The following WDR62 variants were observed in gnomAD, a reference collection of about 807,000 sequenced individuals.
The protein encoded by WDR62 is WD repeat-containing protein 62.
A neutral mutation model predicts 160.6 loss-of-function variants in WDR62; 112 were observed. The observed-to-expected ratio is 0.70, with a 90% CI of 0.60 to 0.82. The LOEUF (loss-of-function observed/expected upper bound fraction) is 0.82, where lower values mean the gene tolerates loss of function less well. Among genes scored for constraint, WDR62 ranks in the 40% least tolerant of loss-of-function variants. The probability of loss-of-function intolerance (pLI) is 0.00; values close to 1 mark genes in which losing one functional copy is unlikely to be tolerated. For synonymous variants in WDR62, 792 were observed against 815.1 expected (o/e 0.97, Z 0.48); for missense variants, 1,819 against 1,983.8 (o/e 0.92, Z 1.58).
chr19:36,099,532 A>G lies in WDR62; in HGVS notation c.2654A>G (p.Tyr885Cys), dbSNP rs1401522501. Residue 885 changes from tyrosine to cysteine, a missense_variant, in exon 22 of 32, where the codon TAC becomes TGC. Around this residue, in one of 3 missense-constraint regions of WDR62, gnomAD observed 934 missense variants for 1,157.2 expected, o/e 0.81. Coordinates refer to ENST00000401500, the MANE Select transcript of WDR62 (RefSeq NM_001083961.2). The stretch of plus-strand genomic sequence containing the variant: ...CTGGATGCCCAGGACCTGGATTGCT[A>G]CTTTACCCCCATGAAGCCCGAGAGT... ...TILDAQDLDCYFTPMKPESLE... is the reference protein window; with the variant it reads ...TILDAQDLDCCFTPMKPESLE... The G allele has an allele frequency of 2.5e-6, 4 of 1,614,152 alleles. No individual in the cohort carries two copies. The South Asian group carries it at 3.3e-5, about 13-fold the overall frequency.
chr19:36,102,221 G>A, intron 26 of WDR62, 70 bp downstream of exon 26: 1 of 1,610,642 alleles, frequency 6.2e-7, no homozygotes, highest in Non-Finnish European at 8.5e-7. Flanking sequence ...GGCGTCCCTG[G>A]AGTTGGCTCC....
intron 3 of WDR62, among the ~76,000 whole-genome samples, chr19:36,063,836 CAG>C (rs925559014): frequency 1.3e-4 from 20 of 152,240 alleles, no homozygotes; most frequent in Admixed American, 1.3e-4. Flanking sequence ...TTTCCTGAGA[CAG>C]TGCAAATATT....
At position 36,103,539 on chromosome 19, in the gene WDR62, T is replaced by C. The variant is rs887740291; in HGVS notation, c.3711T>C (p.Ser1237=). ...CACGCAGCATCTCCCTCGGTGACAG[T>C]GAGGGCCCTATCGTGGCCACACTGG... ...RISRSISLGD[S]EGPIVATLAQ... Residue 1237 remains serine, a synonymous_variant, in exon 30 of 32, where the codon AGT becomes AGC. Transcript: ENST00000401500. 2.3e-5 allele frequency: 37 copies of C among 1,614,000 alleles called. No homozygotes were observed. The highest frequency in any genetic ancestry group is 3.1e-5 in the Non-Finnish European group (37 of 1,180,000).
downstream of WDR62, among the ~76,000 whole-genome samples, chr19:36,110,041 CA>C (rs1422098528): frequency 6.8e-6 from 1 of 147,092 alleles, no homozygotes; most frequent in East Asian, 2.1e-4. Flanking sequence ...GGGCAACGAG[CA>C]AAACTCCGCC....
At chr19:36,059,866 C>T (rs546974733) in intron 2 of WDR62, 102 bp from the exon 3 acceptor site, 32 of 1,250,690 alleles carry the variant, frequency 2.6e-5, no homozygotes, top group African/African-American at 3.0e-5. Context: ...CAGAGAGAAC[C>T]GAGGGAGCTT....
chr19:36,088,749 A>C (rs1193843084), intron 13 of WDR62, among the ~76,000 whole-genome samples: 1 of 152,292 alleles, frequency 6.6e-6, no homozygotes, highest in East Asian at 1.9e-4. Flanking sequence ...CAAGTCACCT[A>C]TCTCAATCCC....
intron 5 of WDR62, among the ~76,000 whole-genome samples, 164 bp downstream of exon 5, chr19:36,066,591 C>T (rs917187357): frequency 1.3e-5 from 2 of 152,210 alleles, no homozygotes; most frequent in African/African-American, 4.8e-5. Context: ...TTGTAGGGCA[C>T]AAGGCAGGCT....
At chr19:36,095,423 A>C (rs1173118366) in intron 20 of WDR62, among the ~76,000 whole-genome samples, 2 of 152,194 alleles carry the variant, frequency 1.3e-5, no homozygotes, top group Non-Finnish European at 2.9e-5. Context: ...AGCTGTCCAC[A>C]TCTCAGCATG....
At chr19:36,077,797 T>C (rs929955625) in intron 9 of WDR62, among the ~76,000 whole-genome samples, 5 of 151,638 alleles carry the variant, frequency 3.3e-5, no homozygotes, top group South Asian at 4.2e-4. Context: ...GGTTTCACCA[T>C]GTTGCCCAGG....
rs958154255 is a variant in WDR62 at position 36,101,684 on chromosome 19, G to A, written c.2992G>A (p.Asp998Asn). The A allele has an allele frequency of 1.4e-5, 21 of 1,550,892 alleles. No individual in the cohort carries two copies. Among genetic ancestry groups the A allele is most frequent in the Non-Finnish European group, 1.7e-5 (19 of 1,146,978 alleles). The change falls in exon 25 of 32, where the codon GAC becomes AAC. Residue 998 changes from aspartate to asparagine, a missense_variant. Coordinates refer to ENST00000401500, the MANE Select transcript of WDR62 (RefSeq NM_001083961.2). ...PPEDSGESEA[D>N]LECSFAAIHS... Reference sequence around the variant, plus strand: ...TTCAGACTCGGGGGAGTCAGAGGCCGACCTGGAGTGCAGCTTCGCAGCCAT... The same window carrying A: ...TTCAGACTCGGGGGAGTCAGAGGCCAACCTGGAGTGCAGCTTCGCAGCCAT...
chr19:36,076,751 A>T (rs183588736), intron 9 of WDR62, among the ~76,000 whole-genome samples: 1 of 152,216 alleles, frequency 6.6e-6, no homozygotes, highest in Non-Finnish European at 1.5e-5. Context: ...TTTTTCCCAC[A>T]TTATACATGC....
chr19:36,064,374 C>T (rs1206484861), intron 3 of WDR62, among the ~76,000 whole-genome samples: 1 of 151,952 alleles, frequency 6.6e-6, no homozygotes, highest in Non-Finnish European at 1.5e-5. Flanking sequence ...CTCCTGGGTT[C>T]ACACCATTCT....
At chr19:36,106,099 G>T (rs1412920172), downstream of WDR62, among the ~76,000 whole-genome samples, 1 of 152,196 alleles carries the variant, frequency 6.6e-6, no homozygotes, top group Admixed American at 6.5e-5. Flanking sequence ...GAGCAGCTGG[G>T]ACCAATAACT....
chr19:36,082,889 C>T (rs1046682000), intron 10 of WDR62, among the ~76,000 whole-genome samples, 174 bp from the exon 11 acceptor site: 6 of 152,206 alleles, frequency 3.9e-5, no homozygotes. Context: ...AATTTATTCA[C>T]ATATTCTTAT....
In WDR62 at chr19:36,083,117, T is replaced by A; in HGVS notation, c.1426T>A (p.Ser476Thr). The A allele has an allele frequency of 6.2e-7, 1 of 1,613,698 alleles. No homozygotes were observed. Among genetic ancestry groups the A allele is most frequent in the African/African-American group, 1.3e-5 (1 of 75,046 alleles). The change falls in exon 11 of 32, where the codon TCA becomes ACA. Residue 476 changes from serine (S) to threonine (T), a missense_variant. Ser to Thr is a moderately conservative substitution (Grantham distance 58). Coordinates refer to ENST00000401500, the MANE Select transcript of WDR62 (RefSeq NM_001083961.2). ...ENDIQHLQDM[S>T]HFPDRGSENG... The stretch of plus-strand genomic sequence containing the variant: ...TGACATCCAGCACCTGCAGGACATG[T>A]CACACTTCCCAGACCGGGGGAGCGA...
At chr19:36,100,606 G>A in intron 22 of WDR62, 142 bp from the exon 23 acceptor site, 1 of 1,276,986 alleles carries the variant, frequency 7.8e-7, no homozygotes, top group Non-Finnish European at 1.1e-6. Flanking sequence ...GGCAGACCAG[G>A]ACAAGCTGGT....
At chr19:36,105,964 G>A (rs769275692), downstream of WDR62, among the ~76,000 whole-genome samples, 1 of 152,164 alleles carries the variant, frequency 6.6e-6, no homozygotes, top group Non-Finnish European at 1.5e-5. Flanking sequence ...CTCCCAAAGT[G>A]CTGGGATTAC....
At chr19:36,090,894 C>G (rs1194767189) in intron 16 of WDR62, among the ~76,000 whole-genome samples, 1 of 152,218 alleles carries the variant, frequency 6.6e-6, no homozygotes, top group Non-Finnish European at 1.5e-5. Flanking sequence ...TCAGGTTCTG[C>G]CTCAGGCTGA....
rs1381849389 is a variant in WDR62, at chr19:36,081,319, A to G, written c.1234-114A>G. On this transcript the variant is annotated intron_variant, in intron 9 of 31. Coordinates refer to ENST00000401500, the MANE Select transcript of WDR62 (RefSeq NM_001083961.2). ...CTTGTTTATTTTTAGCATAGAAGGT[A>G]TTGCACGATACCTGTTTATCTTTAA... 4 of 1,240,424 alleles carry G rather than the reference A, an allele frequency of 3.2e-6. No homozygotes were observed. The East Asian group carries it at 9.3e-5, about 29-fold the overall frequency. 76.8% of individuals were successfully genotyped at this position (1,240,424 alleles called of 1,614,324 possible). A position where few individuals can be genotyped will look rare whatever the true frequency, so the allele number is the denominator to read the frequency against.
Sources: gnomAD v4.1 joint callset for allele counts (sites outside exome capture counted in the v4.1 genomes callset) on GRCh38, gnomAD v4.1.1 for gene constraint, gnomAD v4.1.1 regional missense constraint, MANE v1.5 for transcripts, NCBI Gene and HGNC (gene_info 2026-07-23, HGNC 2026-07-21) for gene names.